Variants in DIS3L2 observed in about 807,000 individuals in gnomAD.
The protein encoded by DIS3L2 is DIS3-like exonuclease 2.
A neutral mutation model predicts 97.5 loss-of-function variants in DIS3L2; 34 were observed. The ratio of observed to expected loss-of-function variants is 0.35; its 90% CI spans 0.27 to 0.46. The LOEUF (loss-of-function observed/expected upper bound fraction) is 0.46, where lower values mean the gene tolerates loss of function less well. DIS3L2 is among the 20% of genes least tolerant of loss of function. The pLI is 1.00. For synonymous variants in DIS3L2, 435 were observed against 445.2 expected (o/e 0.98, Z 0.29); for missense variants, 1,038 against 1,146.0 (o/e 0.91, Z 1.36).
chr2:232,173,145 G>A (rs997891021), intron 9 of DIS3L2, among the ~76,000 whole-genome samples: 11 of 152,104 alleles, frequency 7.2e-5, no homozygotes, highest in East Asian at 1.9e-4. Context: ...ATGAAGACCC[G>A]TTTAGTCTGT....
intron 1 of DIS3L2, among the ~76,000 whole-genome samples, chr2:231,971,956 G>A (rs1172703452): frequency 6.6e-6 from 1 of 151,232 alleles, no homozygotes; most frequent in Non-Finnish European, 1.5e-5. Flanking sequence ...GGAGGCCGAG[G>A]CGGATGGATC....
chr2:231,961,954 C>T (rs1043934665), intron 1 of DIS3L2, among the ~76,000 whole-genome samples, 189 bp downstream of exon 1: 1 of 152,242 alleles, frequency 6.6e-6, no homozygotes, highest in African/African-American at 2.4e-5. Flanking sequence ...CCCGCATCTC[C>T]CTCAATGTCC....
chr2:232,050,333 G>A (rs187171956), intron 5 of DIS3L2, among the ~76,000 whole-genome samples: 25 of 152,142 alleles, frequency 1.6e-4, no homozygotes, highest in Non-Finnish European at 2.6e-4. Flanking sequence ...GTGCAATGGC[G>A]TGATTTTGGC....
intron 6 of DIS3L2, chr2:232,087,956 A>G (rs1696715185): frequency 6.0e-6 from 3 of 496,070 alleles, no homozygotes; most frequent in South Asian, 2.7e-5. Context: ...CACATTCCTA[A>G]TAGGCTTGAG....
rs543430926 is a variant in DIS3L2, at chr2:232,037,061, G to T, written c.366+6981G>T. Among the ~76,000 whole-genome samples, 2 of 152,246 alleles carry T rather than the reference G, an allele frequency of 1.3e-5. No homozygotes were observed. The highest frequency in any genetic ancestry group is 2.9e-5 in the Non-Finnish European group (2 of 68,046). On this transcript the variant is annotated intron_variant, in intron 5 of 20. Transcript: ENST00000325385. The surrounding 1 kb of genome is among the most constrained non-coding windows in gnomAD (Gnocchi z 4.6). Reference sequence around the variant, plus strand: ...ATCTGTCCCTTAGCAGAGCTAGAGCGCTGTGCTGGGAGATCTGCTGCTCTC... The same window carrying T: ...ATCTGTCCCTTAGCAGAGCTAGAGCTCTGTGCTGGGAGATCTGCTGCTCTC...
chr2:232,323,703 CAGG>C (rs1278013467), intron 14 of DIS3L2, among the ~76,000 whole-genome samples: 3 of 152,204 alleles, frequency 2.0e-5, no homozygotes, highest in African/African-American at 7.2e-5. Context: ...GCAGTGCGCG[CAGG>C]AGGAGAGGGG....
intron 11 of DIS3L2, among the ~76,000 whole-genome samples, chr2:232,246,022 A>C (rs1693237713): frequency 2.0e-5 from 3 of 152,254 alleles, no homozygotes; most frequent in Non-Finnish European, 4.4e-5. Context: ...CCTACCATGC[A>C]TCAGGTGTAG....
chr2:232,050,305 T>C (rs1695364393), intron 5 of DIS3L2, among the ~76,000 whole-genome samples: 2 of 152,228 alleles, frequency 1.3e-5, no homozygotes, highest in Admixed American at 1.3e-4. Flanking sequence ...GGAGTCTCGC[T>C]CTGTCGCCCA....
At chr2:232,093,262 C>T (rs528440821) in intron 6 of DIS3L2, among the ~76,000 whole-genome samples, 8 of 151,878 alleles carry the variant, frequency 5.3e-5, no homozygotes, top group Non-Finnish European at 1.0e-4. Flanking sequence ...ATGAATGATC[C>T]TTTTAATGTG....
chr2:232,335,410 C>T (rs1324976095), intron 19 of DIS3L2: 1 of 268,070 alleles, frequency 3.7e-6, no homozygotes, highest in Non-Finnish European at 7.2e-6. Context: ...GCCTAGCTCA[C>T]CCTGCTGTGG....
At chr2:232,135,529 T>C (rs1408235050) in intron 7 of DIS3L2, among the ~76,000 whole-genome samples, 1 of 152,060 alleles carries the variant, frequency 6.6e-6, no homozygotes, top group Non-Finnish European at 1.5e-5. Flanking sequence ...AAAATAGCTG[T>C]TTTTCAGGGA....
At chr2:232,323,747 G>T (rs1392697329) in intron 14 of DIS3L2, among the ~76,000 whole-genome samples, 1 of 152,200 alleles carries the variant, frequency 6.6e-6, no homozygotes, top group Non-Finnish European at 1.5e-5. Context: ...TGACTGGTGG[G>T]CCACCCAGAG....
At chr2:232,087,762 C>T in intron 6 of DIS3L2, 41 bp downstream of exon 6, 1 of 1,451,154 alleles carries the variant, frequency 6.9e-7, no homozygotes, top group Non-Finnish European at 9.6e-7. Context: ...TTTAAGTACA[C>T]TGATTAAGTA....
At chr2:232,242,122 C>T (rs1222373707) in intron 11 of DIS3L2, among the ~76,000 whole-genome samples, 1 of 152,124 alleles carries the variant, frequency 6.6e-6, no homozygotes, top group Non-Finnish European at 1.5e-5. Context: ...TGATCAAATT[C>T]TGAATTCATG....
At chr2:232,335,948 C>T (rs1695930284) in intron 20 of DIS3L2, 74 bp downstream of exon 20, 15 of 1,545,326 alleles carry the variant, frequency 9.7e-6, no homozygotes, top group Non-Finnish European at 1.3e-5. Context: ...GCCCCTCATT[C>T]CTTCATCTGT....
At chr2:232,290,774 T>A (rs950713689) in intron 13 of DIS3L2, among the ~76,000 whole-genome samples, 5 of 152,190 alleles carry the variant, frequency 3.3e-5, no homozygotes, top group Non-Finnish European at 7.3e-5. Context: ...CAGACGGCGC[T>A]GCAGGGAGGC....
intron 3 of DIS3L2, among the ~76,000 whole-genome samples, chr2:232,018,286 A>G (rs1445275801): frequency 1.3e-4 from 7 of 54,856 alleles, no homozygotes; most frequent in South Asian, 3.2e-4. Context: ...AATCTGATCA[A>G]TATAACAACT....
In DIS3L2 at chr2:232,254,322, A is replaced by T. The variant is rs1693497643; in HGVS notation, c.1425+4976A>T. On this transcript the variant is annotated intron_variant, in intron 12 of 20. Coordinates refer to ENST00000325385, the MANE Select transcript of DIS3L2 (RefSeq NM_152383.5). ...CAAACGCTATCTGAAAACAGAAGGA[A>T]TTATGAGGACAGTATGCCAGCAATC... Among the ~76,000 whole-genome samples, 2 of 152,094 alleles carry T rather than the reference A, an allele frequency of 1.3e-5. 1 individual carries two copies. Among genetic ancestry groups the T allele is most frequent in the African/African-American group, 4.8e-5 (2 of 41,424 alleles).
chr2:232,187,363 T>G (rs1321624920), intron 9 of DIS3L2, among the ~76,000 whole-genome samples: 1 of 152,172 alleles, frequency 6.6e-6, no homozygotes, highest in African/African-American at 2.4e-5. Context: ...CTCAAAGGGT[T>G]AAACATAGAG....
Sources: allele counts gnomAD v4.1 joint callset (sites outside exome capture counted in the v4.1 genomes callset), GRCh38; gene constraint gnomAD v4.1.1; non-coding constraint Gnocchi (gnomAD v3.1); transcripts MANE v1.5; gene names NCBI Gene and HGNC (gene_info 2026-07-23, HGNC 2026-07-21).